Variants in CEP128 observed in about 807,000 individuals in gnomAD.
CEP128 encodes the protein centrosomal protein 128kDa.
Under a neutral mutation model 156.7 loss-of-function variants are expected in CEP128, and 132 were observed. The observed-to-expected ratio is 0.84, with a 90% CI of 0.73 to 0.97. The LOEUF is 0.97. Among genes scored for constraint, CEP128 ranks in the 50% least tolerant of loss-of-function variants. The pLI is 0.00. For synonymous variants in CEP128, 469 were observed against 448.9 expected (o/e 1.04, Z -0.57); for missense variants, 1,252 against 1,281.9 (o/e 0.98, Z 0.36).
intron 14 of CEP128, among the ~76,000 whole-genome samples, chr14:80,790,327 C>G (rs1351461961): frequency 6.6e-6 from 1 of 152,084 alleles, no homozygotes; most frequent in Non-Finnish European, 1.5e-5. Flanking sequence ...AAAGCATATA[C>G]TATGATTGGA....
chr14:80,723,922 T>C (rs1437287539), intron 19 of CEP128, among the ~76,000 whole-genome samples: 1 of 152,182 alleles, frequency 6.6e-6, no homozygotes, highest in Non-Finnish European at 1.5e-5. Context: ...TAGCAAATAG[T>C]AACTTACGCA....
At chr14:80,564,701 A>G (rs8016769) in intron 20 of CEP128, among the ~76,000 whole-genome samples, 86,569 of 152,050 alleles carry the variant, frequency 0.57, 24,990 homozygotes, top group East Asian at 0.72. Context: ...GCCCTTTCCC[A>G]AAAAGACCTG....
intron 19 of CEP128, among the ~76,000 whole-genome samples, chr14:80,583,461 G>A (rs561508474): frequency 6.6e-6 from 1 of 152,136 alleles, no homozygotes; most frequent in Admixed American, 6.5e-5. Flanking sequence ...CATGGCCCAG[G>A]CTAGCAAGTC....
chr14:80,585,906 CAGATAA>C (rs143947891), intron 19 of CEP128, among the ~76,000 whole-genome samples: 8,073 of 152,156 alleles, frequency 0.053, 283 homozygotes, highest in South Asian at 0.086. Flanking sequence ...CAAAATTCAT[CAGATAA>C]AGCAGCACAT....
intron 2 of CEP128, among the ~76,000 whole-genome samples, chr14:80,925,549 T>C (rs1461162606): frequency 2.0e-5 from 3 of 152,182 alleles, no homozygotes; most frequent in Admixed American, 6.5e-5. Flanking sequence ...GCTAGTGTGA[T>C]GTTAAACTTT....
intron 19 of CEP128, among the ~76,000 whole-genome samples, chr14:80,681,948 A>T (rs181112053): frequency 6.6e-6 from 1 of 152,152 alleles, no homozygotes; most frequent in African/African-American, 2.4e-5. Context: ...TATGAAAAAA[A>T]TAAACAAAAA....
chr14:80,545,590 A>C (rs1889947343), intron 21 of CEP128, among the ~76,000 whole-genome samples: 1 of 152,222 alleles, frequency 6.6e-6, no homozygotes, highest in Admixed American at 6.5e-5. Context: ...TAATGTTAAC[A>C]AAAGGCTAAA....
chr14:80,823,219 A>G (rs327451), intron 13 of CEP128, among the ~76,000 whole-genome samples: 90,331 of 152,124 alleles, frequency 0.59, 27,375 homozygotes, highest in East Asian at 0.79. Context: ...TTGGTTACCA[A>G]TGTGTCAGGC....
intron 15 of CEP128, among the ~76,000 whole-genome samples, chr14:80,781,228 T>C (rs162172): frequency 0.66 from 99,823 of 151,938 alleles, 33,208 homozygotes; most frequent in East Asian, 0.79. Context: ...GAGGCCAAGG[T>C]GGGGGGGATC....
chr14:80,485,394 A>G (rs565700965), intron 14 of CEP128, among the ~76,000 whole-genome samples: 1 of 152,226 alleles, frequency 6.6e-6, no homozygotes, highest in East Asian at 1.9e-4. Flanking sequence ...CAAAAGTCCA[A>G]TTTCATTCCT....
At chr14:80,498,505 A>C (rs1887594062) in intron 24 of CEP128, among the ~76,000 whole-genome samples, 1 of 152,174 alleles carries the variant, frequency 6.6e-6, no homozygotes, top group Non-Finnish European at 1.5e-5. Context: ...AGTAGCCCGT[A>C]TCTCTAGGAG....
chr14:80,700,450 A>C (rs933117461), intron 19 of CEP128, among the ~76,000 whole-genome samples: 5 of 152,088 alleles, frequency 3.3e-5, no homozygotes, highest in Admixed American at 3.3e-4. Context: ...AACAAGACTA[A>C]ACTGCAAATA....
At chr14:80,921,300 T>C (rs1486627675) in intron 2 of CEP128, among the ~76,000 whole-genome samples, 2 of 152,106 alleles carry the variant, frequency 1.3e-5, no homozygotes, top group South Asian at 4.1e-4. Flanking sequence ...AATGGATTAA[T>C]CTATTCATGG....
intron 2 of CEP128, among the ~76,000 whole-genome samples, chr14:80,920,203 C>G (rs1413835329): frequency 6.6e-6 from 1 of 152,136 alleles, no homozygotes; most frequent in Non-Finnish European, 1.5e-5. Context: ...CCCTTTGTGC[C>G]ACAACACAGA....
At chr14:80,735,888 G>GAAAGA in intron 19 of CEP128, among the ~76,000 whole-genome samples, 1 of 152,118 alleles carries the variant, frequency 6.6e-6, no homozygotes, top group East Asian at 1.9e-4. Context: ...ATCCTACTCT[G>GAAAGA]CTTCCCTCTT....
chr14:80,704,653 C>T (rs1044377014), intron 19 of CEP128, among the ~76,000 whole-genome samples: 1 of 144,794 alleles, frequency 6.9e-6, no homozygotes, highest in Non-Finnish European at 1.5e-5. Context: ...ACGCTTGAAA[C>T]ATGAAGAGGT....
At chr14:80,881,477 G>A (rs879477782) in intron 8 of CEP128, among the ~76,000 whole-genome samples, 2 of 148,372 alleles carry the variant, frequency 1.3e-5, no homozygotes, top group Non-Finnish European at 3.0e-5. Context: ...CTTCATTATT[G>A]AATTCTAGCA....
downstream of CEP128, among the ~76,000 whole-genome samples, chr14:80,490,233 G>C (rs556197682): frequency 2.9e-4 from 44 of 152,150 alleles, no homozygotes; most frequent in Non-Finnish European, 4.9e-4. Flanking sequence ...TCTCGATGTC[G>C]ACATTGAGGT....
chr14:80,828,286 C>G (rs1885593916), intron 13 of CEP128, among the ~76,000 whole-genome samples: 2 of 152,048 alleles, frequency 1.3e-5, no homozygotes, highest in South Asian at 4.2e-4. Context: ...CCACACCTGG[C>G]TAATTTTTGT....
Sources: allele counts gnomAD v4.1 joint callset (sites outside exome capture counted in the v4.1 genomes callset), GRCh38; gene constraint gnomAD v4.1.1; transcripts MANE v1.5; gene names NCBI Gene and HGNC (gene_info 2026-07-23, HGNC 2026-07-21).